KCNQ1: variants seen among roughly 807,000 people sequenced by gnomAD.
The protein encoded by KCNQ1 is potassium voltage-gated channel subfamily KQT member 1.
Under a neutral mutation model 72.4 loss-of-function variants are expected in KCNQ1, and 49 were observed. That is an observed-to-expected ratio of 0.68 (90% CI 0.54 to 0.86). The LOEUF (loss-of-function observed/expected upper bound fraction) is 0.86. Among genes scored for constraint, KCNQ1 ranks in the 40% least tolerant of loss-of-function variants. The pLI, the probability that KCNQ1 is intolerant of heterozygous loss-of-function variation, is 0.00. For synonymous variants in KCNQ1, 450 were observed against 412.6 expected (o/e 1.09, Z -1.10); for missense variants, 790 against 945.1 (o/e 0.84, Z 2.15).
In KCNQ1 at chr11:2,735,722, G is replaced by T. The variant is rs1845945758; in HGVS notation, c.1515-33122G>T. ...GGCTGGAGTCCAAGGTCAAGGTGCT[G>T]CAGGGCTGGGTCCTCCTGCAGCCTC... On this transcript the variant is annotated intron_variant, in intron 11 of 15. Coordinates refer to ENST00000155840, the MANE Select transcript of KCNQ1 (RefSeq NM_000218.3). This position sits in a 1 kb window ranked among gnomAD's most constrained non-coding sequence, Gnocchi z 7.7. 6.6e-6 allele frequency among the ~76,000 whole-genome samples: 1 copy of T among 152,042 alleles called. No individual in the cohort carries two copies. The highest frequency in any genetic ancestry group is 1.5e-5 in the Non-Finnish European group (1 of 68,018).
intron 10 of KCNQ1, chr11:2,616,396 A>G: frequency 2.5e-6 from 1 of 397,806 alleles, no homozygotes; most frequent in East Asian, 3.6e-5. Context: ...ATTCAGTTTT[A>G]TCTCCACTCA....
intron 1 of KCNQ1, among the ~76,000 whole-genome samples, chr11:2,449,138 G>C (rs936342620): frequency 6.6e-6 from 1 of 152,220 alleles, no homozygotes; most frequent in Non-Finnish European, 1.5e-5. Flanking sequence ...AGGGTCCTGG[G>C]CCTTCTGAGT....
At chr11:2,840,922 T>C (rs547430554) in intron 15 of KCNQ1, among the ~76,000 whole-genome samples, 1 of 152,132 alleles carries the variant, frequency 6.6e-6, no homozygotes, top group East Asian at 1.9e-4. Flanking sequence ...TCAACAAACA[T>C]TTGTGCAGCG....
In KCNQ1 at chr11:2,679,706, G is replaced by A. The variant is rs577210505; in HGVS notation, c.1514+17625G>A. On this transcript the variant is annotated intron_variant, in intron 11 of 15. Transcript: ENST00000155840. This position sits in a 1 kb window ranked among gnomAD's most constrained non-coding sequence, Gnocchi z 4.8. ...AGATTAGATTTTTTTTAAATCAGCC[G>A]TTCTCTGTATTCTTGTCCAGATGCT... is the stretch of plus-strand genomic sequence containing the variant. 7.3e-5 allele frequency: 29 copies of A among 398,460 alleles called. No individual in the cohort carries two copies. Among genetic ancestry groups the A allele is most frequent in the South Asian group, 2.5e-4 (2 of 7,856 alleles). 24.7% of individuals were successfully genotyped at this position (398,460 alleles called of 1,614,324 possible).
rs1846593209 is a variant in KCNQ1 at position 2,477,748 on chromosome 11, A to G, written c.386+32264A>G. On this transcript the variant is annotated intron_variant, in intron 1 of 15. Transcript: ENST00000155840. This position sits in a 1 kb window ranked among gnomAD's most constrained non-coding sequence, Gnocchi z 5.0. ...TCTCTTTTTATTAAAAAAAAAAAAA[A>G]GACCATACATACACACATGCACACA... is the stretch of plus-strand genomic sequence containing the variant. Among the ~76,000 whole-genome samples, 1 of 149,336 alleles carries G rather than the reference A, an allele frequency of 6.7e-6. No individual in the cohort carries two copies. The highest frequency in any genetic ancestry group is 1.5e-5 in the Non-Finnish European group (1 of 67,494).
intron 11 of KCNQ1, among the ~76,000 whole-genome samples, chr11:2,751,358 C>T (rs190527892): frequency 2.6e-5 from 4 of 152,340 alleles, no homozygotes; most frequent in Admixed American, 2.0e-4. Context: ...CGGACGCCAG[C>T]GTTTAGGAGC....
intron 15 of KCNQ1, among the ~76,000 whole-genome samples, chr11:2,825,755 G>A (rs928660075): frequency 6.6e-6 from 1 of 152,220 alleles, no homozygotes; most frequent in African/African-American, 2.4e-5. Context: ...TCACACTTCA[G>A]TATGAATGAG....
chr11:2,722,444 A>G (rs1845685520), intron 11 of KCNQ1, among the ~76,000 whole-genome samples: 2 of 152,192 alleles, frequency 1.3e-5, no homozygotes, highest in South Asian at 4.1e-4. Flanking sequence ...TTCAGAGGTC[A>G]GGGATCAAGG....
rs1230812787 is a variant in KCNQ1 at position 2,651,939 on chromosome 11, CCTG to C, written c.1394-10020_1394-10018del. On this transcript the variant is annotated intron_variant, in intron 10 of 15. Transcript: ENST00000155840. This position sits in a 1 kb window ranked among gnomAD's most constrained non-coding sequence, Gnocchi z 6.1. ...TTGCTCTCCTCCTACTCACAGCCCT[CCTG>C]CAGCCAGCAGCAGTGGGGGAGCCAA... 2.5e-6 allele frequency: 1 copy of C among 398,586 alleles called. No homozygotes were observed. Among genetic ancestry groups the C allele is most frequent in the African/African-American group, 2.1e-5 (1 of 48,644 alleles). The allele number at this position is 398,586 out of a possible 1,614,324, so 24.7% of individuals were successfully genotyped here. A position where few individuals can be genotyped will look rare whatever the true frequency, so the allele number is the denominator to read the frequency against.
At position 2,760,840 on chromosome 11, in the gene KCNQ1, G is replaced by A. The variant is rs555848354; in HGVS notation, c.1515-8004G>A. ...CTTCTTCAGTGCCCCACTACTCAAAGTTCTAGGGGAGCATACAGTCGGACA... is the reference window on the plus strand; with the variant it reads ...CTTCTTCAGTGCCCCACTACTCAAAATTCTAGGGGAGCATACAGTCGGACA... On this transcript the variant is annotated intron_variant, in intron 11 of 15. Coordinates refer to ENST00000155840, the MANE Select transcript of KCNQ1 (RefSeq NM_000218.3). 9.2e-5 allele frequency among the ~76,000 whole-genome samples: 14 copies of A among 152,324 alleles called. No homozygotes were observed. The South Asian group carries it at 2.3e-3, about 25-fold the overall frequency.
At chr11:2,618,807 A>G (rs375289379) in intron 10 of KCNQ1, 1 of 398,284 alleles carries the variant, frequency 2.5e-6, no homozygotes, top group African/African-American at 2.1e-5. Context: ...ATTCAGATTC[A>G]TGAGCATGGG....
rs993641127 is a variant in KCNQ1 at position 2,564,947 on chromosome 11, G to A, written c.478-5681G>A. Reference sequence around the variant, plus strand: ...CCTTTTTAAGGCCAAATCCTATTCCGTGGTAGGGAGGGACCACATCTTCCG... The same window carrying A: ...CCTTTTTAAGGCCAAATCCTATTCCATGGTAGGGAGGGACCACATCTTCCG... On this transcript the variant is annotated intron_variant, in intron 2 of 15. Transcript: ENST00000155840. This position sits in a 1 kb window ranked among gnomAD's most constrained non-coding sequence, Gnocchi z 4.5. 1.7e-4 allele frequency among the ~76,000 whole-genome samples: 26 copies of A among 152,190 alleles called. No individual in the cohort carries two copies. Among genetic ancestry groups the A allele is most frequent in the African/African-American group, 5.8e-4 (24 of 41,442 alleles).
intron 2 of KCNQ1, among the ~76,000 whole-genome samples, chr11:2,535,383 T>G (rs1847712778): frequency 6.6e-6 from 1 of 152,208 alleles, no homozygotes; most frequent in East Asian, 1.9e-4. Context: ...CGACCCCTGA[T>G]GTCCCGGCAA....
chr11:2,605,751 C>T (rs1729045596), intron 10 of KCNQ1, among the ~76,000 whole-genome samples: 1 of 152,170 alleles, frequency 6.6e-6, no homozygotes, highest in Non-Finnish European at 1.5e-5. Context: ...AAAATTGTTG[C>T]TATTCTGGGT....
At chr11:2,649,675 C>G (rs1849727897) in intron 10 of KCNQ1, 1 of 398,582 alleles carries the variant, frequency 2.5e-6, no homozygotes, top group Non-Finnish European at 4.4e-6. Flanking sequence ...ATCTGTTAAT[C>G]TGCTGTTGAT....
At chr11:2,696,202 A>G (rs1850673583) in intron 11 of KCNQ1, 2 of 398,438 alleles carry the variant, frequency 5.0e-6, no homozygotes, top group Non-Finnish European at 8.8e-6. Flanking sequence ...CTGGCCCTGG[A>G]GATTATTCAT....
At chr11:2,665,331 T>C (rs1026947160) in intron 11 of KCNQ1, 4 of 398,134 alleles carry the variant, frequency 1.0e-5, no homozygotes, top group Admixed American at 4.4e-5. Context: ...AAGTAGAGAC[T>C]GTAGGCCTGC....
chr11:2,464,169 C>T lies in KCNQ1; in HGVS notation c.386+18685C>T, dbSNP rs1053970325. On this transcript the variant is annotated intron_variant, in intron 1 of 15. Transcript: ENST00000155840. The surrounding 1 kb of genome is among the most constrained non-coding windows in gnomAD (Gnocchi z 5.0). ...TTGCCATCAGCAGATACAAGCTGTA[C>T]GCAGTGGGCCGCAGGCGCTCCCTGG... 9.9e-5 allele frequency among the ~76,000 whole-genome samples: 15 copies of T among 152,104 alleles called. No individual in the cohort carries two copies. Among genetic ancestry groups the T allele is most frequent in the South Asian group, 2.1e-4 (1 of 4,826 alleles).
intron 2 of KCNQ1, among the ~76,000 whole-genome samples, chr11:2,534,190 G>A (rs1186782435): frequency 6.6e-6 from 1 of 152,222 alleles, no homozygotes; most frequent in Non-Finnish European, 1.5e-5. Flanking sequence ...ACGGCCCTGG[G>A]CGGCCCTCTC....
Sources: gnomAD v4.1 joint callset for allele counts (sites outside exome capture counted in the v4.1 genomes callset) on GRCh38, gnomAD v4.1.1 for gene constraint, Gnocchi (gnomAD v3.1) non-coding constraint, MANE v1.5 for transcripts, NCBI Gene and HGNC (gene_info 2026-07-23, HGNC 2026-07-21) for gene names.